The following NFKBIZ variants were observed in gnomAD, a reference collection of about 807,000 sequenced individuals.
The protein encoded by NFKBIZ is NF-kappa-B inhibitor zeta.
A neutral mutation model predicts 76.8 loss-of-function variants in NFKBIZ; 19 were observed. The ratio of observed to expected loss-of-function variants is 0.25; its 90% CI spans 0.17 to 0.36. The LOEUF (loss-of-function observed/expected upper bound fraction) is 0.36, where lower values mean the gene tolerates loss of function less well. Ranked by LOEUF, NFKBIZ falls within the 10% of genes least tolerant of loss-of-function variation. The pLI is 1.00. For synonymous variants in NFKBIZ, 368 were observed against 354.8 expected, an observed-to-expected ratio of 1.04 and a Z score of -0.42; for missense variants, 829 against 910.9, an observed-to-expected ratio of 0.91 and a Z score of 1.16.
chr3:101,853,151 A>C lies in NFKBIZ; in HGVS notation c.625A>C (p.Lys209Gln). 1 of 1,614,220 alleles carries C rather than the reference A, an allele frequency of 6.2e-7. No individual in the cohort carries two copies. Among genetic ancestry groups the C allele is most frequent in the Non-Finnish European group, 8.5e-7 (1 of 1,180,040 alleles). The change falls in exon 5 of 12, where the codon AAA (lysine) becomes CAA (glutamine). Residue 209 changes from lysine to glutamine, a missense_variant. Coordinates refer to ENST00000326172, the MANE Select transcript of NFKBIZ (RefSeq NM_031419.4). ...SMEDVHLNEP[K>Q]QESSADLLQN... ...GGAAGATGTTCATCTCAATGAACCCAAACAGGAGAGCAGTGCTGATCTGCT... is the reference window on the plus strand; with the variant it reads ...GGAAGATGTTCATCTCAATGAACCCCAACAGGAGAGCAGTGCTGATCTGCT...
intron 11 of NFKBIZ, chr3:101,858,500 A>G (rs992263393): frequency 2.4e-5 from 22 of 918,450 alleles, no homozygotes; most frequent in African/African-American, 3.6e-5. Context: ...TCATATAACT[A>G]TGCTCTCAGG....
At chr3:101,836,989 C>T (rs1264709882) in intron 2 of NFKBIZ, among the ~76,000 whole-genome samples, 1 of 152,162 alleles carries the variant, frequency 6.6e-6, no homozygotes, top group East Asian at 1.9e-4. Flanking sequence ...TCCTTGGTTT[C>T]TGTGAGGTCT....
At chr3:101,837,161 A>T (rs1181975452) in intron 2 of NFKBIZ, among the ~76,000 whole-genome samples, 1 of 152,204 alleles carries the variant, frequency 6.6e-6, no homozygotes, top group African/African-American at 2.4e-5. Context: ...CTTAGGTAGG[A>T]TAGGCATTTA....
chr3:101,856,337 A>T (rs1319061680), intron 9 of NFKBIZ, among the ~76,000 whole-genome samples: 1 of 152,224 alleles, frequency 6.6e-6, no homozygotes, highest in East Asian at 1.9e-4. Context: ...GGCGTGAGCC[A>T]CCGCGCCCGG....
At chr3:101,836,243 C>T (rs1336885605) in intron 2 of NFKBIZ, among the ~76,000 whole-genome samples, 1 of 152,134 alleles carries the variant, frequency 6.6e-6, no homozygotes, top group East Asian at 1.9e-4. Flanking sequence ...CAGAACTGAA[C>T]CTGTGGAAGT....
At chr3:101,834,980 G>A (rs767862751) in intron 2 of NFKBIZ, among the ~76,000 whole-genome samples, 60 of 152,150 alleles carry the variant, frequency 3.9e-4, no homozygotes, top group Admixed American at 1.6e-3. Flanking sequence ...AAGTTGGGCC[G>A]ATGGTCCAAA....
At chr3:101,843,255 C>T (rs1456222643) in intron 2 of NFKBIZ, among the ~76,000 whole-genome samples, 1 of 151,688 alleles carries the variant, frequency 6.6e-6, no homozygotes, top group Non-Finnish European at 1.5e-5. Flanking sequence ...GGCAACACAG[C>T]CAGACCCCAT....
At chr3:101,849,461 G>C, upstream of NFKBIZ, 1 of 503,166 alleles carries the variant, frequency 2.0e-6, no homozygotes, top group Non-Finnish European at 3.1e-6. Context: ...GCGCCGGGGA[G>C]GTCGGCGAGC....
chr3:101,855,963 CCTTG>C, intron 9 of NFKBIZ, 61 bp downstream of exon 9: 1 of 1,426,502 alleles, frequency 7.0e-7, no homozygotes, highest in Non-Finnish European at 9.5e-7. Context: ...TAGCAAAAGA[CCTTG>C]CTTCCAAGTA....
In NFKBIZ at chr3:101,857,743, G is replaced by A. The variant is rs185880545; in HGVS notation, c.2103+284G>A. On this transcript the variant is annotated intron_variant, in intron 11 of 11. Transcript: ENST00000326172. ...AGTAAGTCAGAATGGTTTAAGGTTC[G>A]GAAAGAGAAGATACCAAGGTTCCTG... The A allele has an allele frequency of 2.2e-4, 212 of 985,378 alleles. No homozygotes were observed. The African/African-American group carries it at 3.4e-3, about 16-fold the overall frequency. The allele number at this position is 985,378 out of a possible 1,614,324, so 61.0% of individuals were successfully genotyped here.
rs776484306 is a variant in NFKBIZ, at chr3:101,857,414, C to T, written c.2058C>T (p.Asn686=). ...GADPSTRNLE[N]EQPVHLVPDG... Reference sequence around the variant, plus strand: ...ACCCAAGTACTCGGAACTTGGAGAACGAACAGCCAGTGCATTTGGTTCCCG... The same window carrying T: ...ACCCAAGTACTCGGAACTTGGAGAATGAACAGCCAGTGCATTTGGTTCCCG... Residue 686 remains asparagine, a synonymous_variant, in exon 11 of 12, where the codon AAC becomes AAT. Coordinates refer to ENST00000326172, the MANE Select transcript of NFKBIZ (RefSeq NM_031419.4). The T allele has an allele frequency of 9.9e-6, 16 of 1,614,060 alleles. No individual in the cohort carries two copies. The highest frequency in any genetic ancestry group is 3.3e-5 in the South Asian group (3 of 91,088).
In NFKBIZ at chr3:101,851,525, G is replaced by A. The variant is rs968635588; in HGVS notation, c.290-560G>A. Among the ~76,000 whole-genome samples the A allele has an allele frequency of 5.9e-5, 9 of 152,194 alleles. No individual in the cohort carries two copies. In the South Asian group the frequency reaches 1.4e-3, roughly 25 times the overall value. ...AGACGTTGTTAATTGTCAGGTTTTC[G>A]TACATAGAGATCTTTGAAAGAAGTT... On this transcript the variant is annotated intron_variant, in intron 1 of 11. Transcript: ENST00000326172.
At chr3:101,829,669 C>G (rs1003093574) in exon 2 of NFKBIZ, 3 of 152,108 alleles carry the variant, frequency 2.0e-5, no homozygotes, top group African/African-American at 7.2e-5. Flanking sequence ...CTTTCTTGGC[C>G]TGATGCTGAA....
At position 101,856,938 on chromosome 3, in the gene NFKBIZ, A is replaced by G. The variant is rs1943057695; in HGVS notation, c.1825-135A>G. 3 of 648,500 alleles carry G rather than the reference A, an allele frequency of 4.6e-6. No individual in the cohort carries two copies. In the South Asian group the frequency reaches 6.0e-5, roughly 13 times the overall value. The allele number at this position is 648,500 out of a possible 1,614,324, so 40.2% of individuals were successfully genotyped here. A position where few individuals can be genotyped will look rare whatever the true frequency, so the allele number is the denominator to read the frequency against. On this transcript the variant is annotated intron_variant, in intron 9 of 11. Transcript: ENST00000326172. ...CATTTAGCTTGGGATTAAGCAAGGC[A>G]TTTTGGAGAAGGGAGCATTCAAAGT...
chr3:101,853,852 A>G lies in NFKBIZ; in HGVS notation c.1326A>G (p.Ala442=). 5 of 1,612,666 alleles carry G rather than the reference A, an allele frequency of 3.1e-6. No homozygotes were observed. Among genetic ancestry groups the G allele is most frequent in the Non-Finnish European group, 4.2e-6 (5 of 1,179,652 alleles). The change falls in exon 5 of 12, where the codon GCA becomes GCG. Residue 442 remains alanine (A), a synonymous_variant. Transcript: ENST00000326172. The stretch of plus-strand genomic sequence containing the variant: ...AAGACCAGTTTCTTTCAAAGGATGC[A>G]GATGGTGACACGTGAGTATTCTTTT... ...ISQDQFLSKD[A]DGDTFLHIAV...
At chr3:101,832,412 CTT>C (rs1942659027) in intron 2 of NFKBIZ, among the ~76,000 whole-genome samples, 2 of 152,158 alleles carry the variant, frequency 1.3e-5, no homozygotes, top group Admixed American at 6.5e-5. Context: ...ATTTCTAGAA[CTT>C]TTTCATCTTC....
At chr3:101,849,382 TA>T (rs1369319935), upstream of NFKBIZ, 1 of 347,866 alleles carries the variant, frequency 2.9e-6, no homozygotes, top group Admixed American at 4.8e-5. Context: ...CTGTACATTT[TA>T]CTGGAAATCG....
At chr3:101,849,314 C>A (rs529489718), upstream of NFKBIZ, 582 of 248,408 alleles carry the variant, frequency 2.3e-3, 4 homozygotes, top group African/African-American at 0.012. Flanking sequence ...ACCGGTCGGT[C>A]TGGGCGGAGC....
intron 11 of NFKBIZ, chr3:101,857,738 G>C: frequency 1.0e-6 from 1 of 985,462 alleles, no homozygotes; most frequent in Non-Finnish European, 1.2e-6. Flanking sequence ...AATGGTTTAA[G>C]GTTCGGAAAG....
Sources: allele counts gnomAD v4.1 joint callset (sites outside exome capture counted in the v4.1 genomes callset), GRCh38; gene constraint gnomAD v4.1.1; transcripts MANE v1.5; gene names NCBI Gene and HGNC (gene_info 2026-07-23, HGNC 2026-07-21).